MARCHF1: variants seen among roughly 807,000 people sequenced by gnomAD.
The protein encoded by MARCHF1 is E3 ubiquitin-protein ligase MARCHF1.
A neutral mutation model predicts 54.2 loss-of-function variants in MARCHF1; 40 were observed. The ratio of observed to expected loss-of-function variants is 0.74; its 90% CI spans 0.57 to 0.96. MARCHF1 has a LOEUF of 0.96. MARCHF1 is among the 40% of genes least tolerant of loss of function. The probability of loss-of-function intolerance (pLI) is 0.00; values close to 1 mark genes in which losing one functional copy is unlikely to be tolerated. For synonymous variants in MARCHF1, 236 were observed against 236.3 expected (o/e 1.00, Z 0.01); for missense variants, 586 against 656.5 (o/e 0.89, Z 1.17).
chr4:164,319,208 T>C (rs1329613298), intron 1 of MARCHF1, among the ~76,000 whole-genome samples: 1 of 152,316 alleles, frequency 6.6e-6, no homozygotes, highest in Non-Finnish European at 1.5e-5. Context: ...AGCAAATCTT[T>C]ACATAGCATT....
chr4:164,270,221 T>C (rs895187957), intron 1 of MARCHF1, among the ~76,000 whole-genome samples: 37 of 152,200 alleles, frequency 2.4e-4, no homozygotes, highest in Non-Finnish European at 2.9e-4. Context: ...ATATTTGCCA[T>C]TGTTACTGCA....
intron 7 of MARCHF1, 85 bp from the exon 8 acceptor site, chr4:163,586,014 C>A: frequency 8.4e-7 from 1 of 1,190,988 alleles, no homozygotes; most frequent in East Asian, 2.6e-5. Context: ...TATACTAGGG[C>A]TATTATAAAC....
intron 1 of MARCHF1, among the ~76,000 whole-genome samples, chr4:164,216,667 C>T (rs1731943420): frequency 1.3e-5 from 2 of 152,094 alleles, no homozygotes. Flanking sequence ...TCCTGAGCCT[C>T]ATGATAGAAC....
intron 1 of MARCHF1, among the ~76,000 whole-genome samples, chr4:164,238,110 GATTT>G (rs903023623): frequency 2.6e-5 from 4 of 151,982 alleles, no homozygotes; most frequent in Non-Finnish European, 5.9e-5. Context: ...ATATAGAATA[GATTT>G]ATTTTAAATT....
rs1377242272 is a variant in MARCHF1, at chr4:164,356,670, G to A, written c.-323+27200C>T. On this transcript the variant is annotated intron_variant, in intron 1 of 9. Coordinates refer to ENST00000514618, the MANE Select transcript of MARCHF1 (RefSeq NM_001394959.1). ...GGAGATATACCTAAGGCTAGATGAC[G>A]AGTTAGTGGGTGCAGCGCACCAGCA... Among the ~76,000 whole-genome samples, 4 of 136,952 alleles carry A rather than the reference G, an allele frequency of 2.9e-5. No individual in the cohort carries two copies. The South Asian group carries it at 9.6e-4, about 33-fold the overall frequency. 89.8% of individuals were successfully genotyped at this position (136,952 alleles called of 152,430 possible). A position where few individuals can be genotyped will look rare whatever the true frequency, so the allele number is the denominator to read the frequency against.
At chr4:164,168,163 A>G (rs1420749562) in intron 1 of MARCHF1, among the ~76,000 whole-genome samples, 1 of 152,048 alleles carries the variant, frequency 6.6e-6, no homozygotes, top group East Asian at 1.9e-4. Context: ...GTATATGAAA[A>G]TGAAAATGTA....
At chr4:164,333,190 A>G (rs1387330099) in intron 1 of MARCHF1, among the ~76,000 whole-genome samples, 1 of 152,206 alleles carries the variant, frequency 6.6e-6, no homozygotes, top group Non-Finnish European at 1.5e-5. Flanking sequence ...TTCAGACTTT[A>G]CATAATAAAG....
Position 164,035,337 on chromosome 4 carries a change from C to T in MARCHF1, c.-247-46628G>A, listed in dbSNP as rs151260542. Among the ~76,000 whole-genome samples, 702 of 151,634 alleles carry T rather than the reference C, an allele frequency of 4.6e-3. 5 individuals are homozygous for T. Among genetic ancestry groups the T allele is most frequent in the African/African-American group, 0.016 (661 of 41,432 alleles). ...TAATCATGAATTAAATCTGTAATTC[C>T]TCTGTAGATTAGTTATGTTTTTCAT... On this transcript the variant is annotated intron_variant, in intron 2 of 9. Transcript: ENST00000514618.
chr4:163,753,671 G>A (rs1028170984), intron 4 of MARCHF1, among the ~76,000 whole-genome samples: 3 of 152,102 alleles, frequency 2.0e-5, no homozygotes, highest in African/African-American at 7.2e-5. Flanking sequence ...GTAAGAAAAA[G>A]TAACACTGTT....
At chr4:164,176,968 CTCTCTCTCTCTCTATATATA>C (rs1374231260) in intron 1 of MARCHF1, among the ~76,000 whole-genome samples, 16 of 43,336 alleles carry the variant, frequency 3.7e-4, no homozygotes, top group African/African-American at 1.7e-3. Flanking sequence ...CTCTCTCTCT[CTCTCTCTCTCTCTATATATA>C]TATATATATA....
intron 2 of MARCHF1, among the ~76,000 whole-genome samples, chr4:163,996,761 T>C (rs1450648563): frequency 1.3e-5 from 2 of 151,990 alleles, no homozygotes; most frequent in East Asian, 3.9e-4. Flanking sequence ...AGAGTATTTG[T>C]TAAATTGGGA....
At chr4:163,614,874 A>G (rs532812313) in intron 5 of MARCHF1, among the ~76,000 whole-genome samples, 1 of 152,194 alleles carries the variant, frequency 6.6e-6, no homozygotes, top group East Asian at 1.9e-4. Flanking sequence ...GAAGAATATG[A>G]ATAGAGGTAA....
chr4:164,188,392 C>G, intron 1 of MARCHF1: 1 of 509,626 alleles, frequency 2.0e-6, no homozygotes. Flanking sequence ...AGATGAAGCT[C>G]TCCCTGGTGG....
intron 2 of MARCHF1, among the ~76,000 whole-genome samples, chr4:164,048,149 T>C (rs1422175565): frequency 6.6e-6 from 1 of 152,194 alleles, no homozygotes; most frequent in Non-Finnish European, 1.5e-5. Context: ...TGATATTCCC[T>C]TATCATGTGA....
At chr4:163,611,659 C>T (rs2110926402) in intron 7 of MARCHF1, among the ~76,000 whole-genome samples, 1 of 152,100 alleles carries the variant, frequency 6.6e-6, no homozygotes, top group Non-Finnish European at 1.5e-5. Context: ...TGCCACATAG[C>T]TAGAAAATAT....
At chr4:163,783,969 A>T (rs1747541511) in intron 4 of MARCHF1, among the ~76,000 whole-genome samples, 1 of 152,208 alleles carries the variant, frequency 6.6e-6, no homozygotes, top group Non-Finnish European at 1.5e-5. Flanking sequence ...ATATAGGTTT[A>T]TAGCTTTCCA....
intron 4 of MARCHF1, among the ~76,000 whole-genome samples, chr4:163,791,829 T>C (rs1335088622): frequency 6.6e-6 from 1 of 152,092 alleles, no homozygotes; most frequent in Non-Finnish European, 1.5e-5. Flanking sequence ...TTCCTAAACT[T>C]CGGGTAAGCA....
At chr4:164,381,464 ATAAAAT>A (rs1338026420) in intron 1 of MARCHF1, among the ~76,000 whole-genome samples, 1 of 152,234 alleles carries the variant, frequency 6.6e-6, no homozygotes, top group Non-Finnish European at 1.5e-5. Flanking sequence ...TATTTTTGAA[ATAAAAT>A]TAAAGATTTC....
At chr4:164,371,003 T>A (rs1202074115) in intron 1 of MARCHF1, among the ~76,000 whole-genome samples, 1 of 152,066 alleles carries the variant, frequency 6.6e-6, no homozygotes, top group Non-Finnish European at 1.5e-5. Flanking sequence ...AGAATGAGAA[T>A]GAGGAGAATT....
Sources: gnomAD v4.1 joint callset for allele counts (sites outside exome capture counted in the v4.1 genomes callset) on GRCh38, gnomAD v4.1.1 for gene constraint, MANE v1.5 for transcripts, NCBI Gene and HGNC (gene_info 2026-07-23, HGNC 2026-07-21) for gene names.